PTPN2: variants seen among roughly 807,000 people sequenced by gnomAD.
The protein encoded by PTPN2 is tyrosine-protein phosphatase non-receptor type 2.
Under a neutral mutation model 57.3 loss-of-function variants are expected in PTPN2, and 19 were observed. The observed-to-expected ratio is 0.33, with a 90% CI of 0.23 to 0.49. PTPN2 has a LOEUF of 0.49. Ranked by LOEUF, PTPN2 falls within the 20% of genes least tolerant of loss-of-function variation. The pLI is 0.99. For missense variants in PTPN2, 358 were observed against 501.1 expected (o/e 0.71, Z 2.73); for synonymous variants, 153 against 164.9 (o/e 0.93, Z 0.55).
intron 7 of PTPN2, among the ~76,000 whole-genome samples, chr18:12,812,496 G>A (rs2041925348): frequency 6.6e-6 from 1 of 152,160 alleles, no homozygotes; most frequent in Non-Finnish European, 1.5e-5. Context: ...CTACTCGGAA[G>A]GCTGAGTGGG....
intron 8 of PTPN2, 120 bp downstream of exon 8, chr18:12,801,850 T>A: frequency 1.0e-6 from 1 of 987,902 alleles, no homozygotes. Context: ...ATTACAGGCG[T>A]GATTGTATTT....
intron 2 of PTPN2, among the ~76,000 whole-genome samples, chr18:12,842,652 C>T (rs1264989869): frequency 6.6e-6 from 1 of 152,148 alleles, no homozygotes; most frequent in Admixed American, 6.5e-5. Flanking sequence ...AAGAATGTGG[C>T]TGGAGCCACG....
At chr18:12,843,628 A>G (rs1005955288) in intron 2 of PTPN2, among the ~76,000 whole-genome samples, 1 of 152,132 alleles carries the variant, frequency 6.6e-6, no homozygotes, top group African/African-American at 2.4e-5. Context: ...GGTGGAGGGC[A>G]GCAGGAGCAC....
intron 7 of PTPN2, among the ~76,000 whole-genome samples, chr18:12,807,233 A>C (rs1304448596): frequency 6.6e-6 from 1 of 152,130 alleles, no homozygotes; most frequent in Non-Finnish European, 1.5e-5. Context: ...CCACACTGAG[A>C]TATCACCACA....
At chr18:12,806,101 T>A (rs1266125838) in intron 7 of PTPN2, among the ~76,000 whole-genome samples, 1 of 152,094 alleles carries the variant, frequency 6.6e-6, no homozygotes, top group Admixed American at 6.6e-5. Flanking sequence ...AAAACTGTTA[T>A]AACTAATAAA....
At chr18:12,859,049 T>C (rs1312334729) in intron 2 of PTPN2, 115 bp downstream of exon 2, 3 of 645,650 alleles carry the variant, frequency 4.6e-6, no homozygotes, top group East Asian at 2.9e-5. Flanking sequence ...CTTACGTAAA[T>C]AGGAAAAAAA....
At chr18:12,841,324 G>C (rs1321574231) in intron 2 of PTPN2, among the ~76,000 whole-genome samples, 1 of 152,242 alleles carries the variant, frequency 6.6e-6, no homozygotes, top group Admixed American at 6.5e-5. Flanking sequence ...CGTGGGCCGT[G>C]CTACAGGCAC....
rs1211666602 is a variant in PTPN2, at chr18:12,870,456, T to TAGAG, written c.70-11203_70-11202insCTCT. Among the ~76,000 whole-genome samples, 363 of 38,570 alleles carry TAGAG rather than the reference T, an allele frequency of 9.4e-3. 7 individuals carry two copies. The highest frequency in any genetic ancestry group is 0.025 in the Middle Eastern group (2 of 80). The allele number at this position is 38,570 out of a possible 152,430, so 25.3% of individuals were successfully genotyped here. On this transcript the variant is annotated intron_variant, in intron 1 of 8. Transcript: ENST00000309660. ...ATATATATGTGTATATATATATATATATATATAGAGAGAGAGAGAGAGAGA... is the reference window on the plus strand; with the variant it reads ...ATATATATGTGTATATATATATATATAGAGATATATAGAGAGAGAGAGAGAGAGA...
At chr18:12,823,514 A>C (rs1471327606) in intron 5 of PTPN2, among the ~76,000 whole-genome samples, 2 of 152,164 alleles carry the variant, frequency 1.3e-5, no homozygotes, top group Non-Finnish European at 2.9e-5. Context: ...TCTCTACTAA[A>C]AATACAAAAA....
At chr18:12,825,157 A>G (rs915483156) in intron 5 of PTPN2, among the ~76,000 whole-genome samples, 3 of 152,200 alleles carry the variant, frequency 2.0e-5, no homozygotes, top group African/African-American at 7.2e-5. Context: ...ACCACATGCC[A>G]CATTTATACA....
At chr18:12,846,397 C>A (rs900684743) in intron 2 of PTPN2, among the ~76,000 whole-genome samples, 1 of 152,190 alleles carries the variant, frequency 6.6e-6, no homozygotes, top group Non-Finnish European at 1.5e-5. Context: ...CTTTCCCTAT[C>A]CCTCATTTAT....
At chr18:12,882,358 T>C (rs747693238) in intron 1 of PTPN2, among the ~76,000 whole-genome samples, 1 of 152,224 alleles carries the variant, frequency 6.6e-6, no homozygotes, top group Non-Finnish European at 1.5e-5. Context: ...TTTTTGAAAA[T>C]GCATGTGAAA....
chr18:12,802,177 CAA>C, intron 7 of PTPN2, 26 bp from the exon 8 acceptor site: 1 of 1,489,190 alleles, frequency 6.7e-7, no homozygotes, highest in Non-Finnish European at 9.1e-7. Context: ...AAATGAAAAA[CAA>C]ATGCAAACAT....
At chr18:12,789,913 G>A (rs961108181), downstream of PTPN2, among the ~76,000 whole-genome samples, 7 of 151,738 alleles carry the variant, frequency 4.6e-5, no homozygotes, top group Admixed American at 4.6e-4. Context: ...TATTATGAGA[G>A]ACAGAGAGAG....
chr18:12,833,638 G>A (rs1330079907), intron 3 of PTPN2, among the ~76,000 whole-genome samples: 1 of 152,180 alleles, frequency 6.6e-6, no homozygotes, highest in East Asian at 1.9e-4. Context: ...AAGACAAATA[G>A]ATCAGTGAGG....
At chr18:12,826,080 T>C (rs1172390376) in intron 4 of PTPN2, 136 bp from the exon 5 acceptor site, 37 of 663,300 alleles carry the variant, frequency 5.6e-5, no homozygotes, top group Non-Finnish European at 2.2e-5. Flanking sequence ...GTCACTACTA[T>C]ATTCTACGCT....
At chr18:12,822,465 C>A (rs1361800846) in intron 5 of PTPN2, among the ~76,000 whole-genome samples, 3 of 152,186 alleles carry the variant, frequency 2.0e-5, no homozygotes, top group African/African-American at 7.2e-5. Flanking sequence ...ACAGGCCACA[C>A]TGAAAGCCGA....
At chr18:12,857,035 T>C (rs1598859030) in intron 2 of PTPN2, among the ~76,000 whole-genome samples, 1 of 118,626 alleles carries the variant, frequency 8.4e-6, no homozygotes, top group African/African-American at 3.2e-5. Flanking sequence ...CACTCCAGCC[T>C]GGGTAACAGA....
chr18:12,880,758 T>A (rs1220608360), intron 1 of PTPN2: 2 of 152,268 alleles, frequency 1.3e-5, no homozygotes, highest in African/African-American at 4.8e-5. Flanking sequence ...TGGCCTTTGA[T>A]ATTTCCAAAC....
Sources: allele counts gnomAD v4.1 joint callset (sites outside exome capture counted in the v4.1 genomes callset), GRCh38; gene constraint gnomAD v4.1.1; transcripts MANE v1.5; gene names NCBI Gene and HGNC (gene_info 2026-07-23, HGNC 2026-07-21).